ZFYVE9: variants seen among roughly 807,000 people sequenced by gnomAD.
The protein encoded by ZFYVE9 is zinc finger FYVE domain-containing protein 9.
Under a neutral mutation model 126.7 loss-of-function variants are expected in ZFYVE9, and 43 were observed. The observed-to-expected ratio is 0.34, with a 90% confidence interval of 0.27 to 0.44. ZFYVE9 has a LOEUF of 0.44. Ranked by LOEUF, ZFYVE9 falls within the 20% of genes least tolerant of loss-of-function variation. The pLI is 1.00. For synonymous variants in ZFYVE9, 521 were observed against 597.4 expected (o/e 0.87, Z 1.87); for missense variants, 1,476 against 1,697.0 (o/e 0.87, Z 2.29).
intron 17 of ZFYVE9, among the ~76,000 whole-genome samples, chr1:52,342,344 C>G (rs2147878343): frequency 6.7e-6 from 1 of 149,342 alleles, no homozygotes; most frequent in Admixed American, 6.7e-5. Flanking sequence ...CGGCTCACTG[C>G]AAGCTCCGCC....
At chr1:52,326,425 ACT>A (rs1317776297) in intron 13 of ZFYVE9, among the ~76,000 whole-genome samples, 2 of 152,076 alleles carry the variant, frequency 1.3e-5, no homozygotes, top group Non-Finnish European at 2.9e-5. Flanking sequence ...AATTTATCTA[ACT>A]CTCATAACTC....
intron 2 of ZFYVE9, among the ~76,000 whole-genome samples, chr1:52,226,286 G>T (rs749312170): frequency 1.3e-5 from 2 of 152,118 alleles, no homozygotes; most frequent in African/African-American, 2.4e-5. Flanking sequence ...CAGCTTCCTT[G>T]TCTGTGTCTG....
intron 4 of ZFYVE9, among the ~76,000 whole-genome samples, chr1:52,240,874 T>C (rs566968563): frequency 1.3e-5 from 2 of 152,228 alleles, no homozygotes; most frequent in South Asian, 2.1e-4. Context: ...GATTATCTAA[T>C]CAATCATGAT....
At chr1:52,336,087 T>C (rs1405488650) in intron 15 of ZFYVE9, among the ~76,000 whole-genome samples, 1 of 151,874 alleles carries the variant, frequency 6.6e-6, no homozygotes, top group Non-Finnish European at 1.5e-5. Context: ...TGAGCTGAGA[T>C]TGTGCCATTG....
chr1:52,185,426 A>G (rs537218176), intron 1 of ZFYVE9, among the ~76,000 whole-genome samples: 2 of 152,346 alleles, frequency 1.3e-5, no homozygotes, highest in South Asian at 4.1e-4. Flanking sequence ...GAAATTAAAA[A>G]TGAAATTATA....
At position 52,239,269 on chromosome 1, in the gene ZFYVE9, C is replaced by T; in HGVS notation, c.1852C>T (p.Leu618Phe). Residue 618 changes from leucine to phenylalanine, a missense_variant, in exon 4 of 19, where the codon CTT (leucine) becomes TTT (phenylalanine). Coordinates refer to ENST00000287727, the MANE Select transcript of ZFYVE9 (RefSeq NM_004799.4). ...TAATACTAAAAATAAAAATGATATT[C>T]TTGGGAAAGCAAAATTAGGGGAAAA... ...GNNTKNKNDI[L>F]GKAKLGENSA... 6.2e-7 allele frequency: 1 copy of T among 1,614,108 alleles called. No homozygotes were observed. The highest frequency in any genetic ancestry group is 1.3e-5 in the African/African-American group (1 of 75,028).
At chr1:52,232,249 A>G (rs1040299660) in intron 2 of ZFYVE9, among the ~76,000 whole-genome samples, 1 of 152,218 alleles carries the variant, frequency 6.6e-6, no homozygotes, top group African/African-American at 2.4e-5. Context: ...CTAAGGAAAT[A>G]GGTGTGGAGA....
intron 2 of ZFYVE9, among the ~76,000 whole-genome samples, chr1:52,218,519 G>A (rs1645093554): frequency 6.6e-6 from 1 of 152,186 alleles, no homozygotes; most frequent in Non-Finnish European, 1.5e-5. Flanking sequence ...CCAGGCTGTG[G>A]GGTGCTGGAA....
chr1:52,150,863 T>G (rs1644350367), intron 1 of ZFYVE9, among the ~76,000 whole-genome samples: 1 of 152,080 alleles, frequency 6.6e-6, no homozygotes, highest in Admixed American at 6.6e-5. Flanking sequence ...TTAATCTCCA[T>G]TTTTCATTTT....
intron 13 of ZFYVE9, among the ~76,000 whole-genome samples, chr1:52,304,510 A>C (rs1171294131): frequency 6.6e-6 from 1 of 151,632 alleles, no homozygotes; most frequent in Non-Finnish European, 1.5e-5. Context: ...TGATCCACCC[A>C]CCTCGGCCTC....
chr1:52,234,901 T>C (rs1645259464), intron 3 of ZFYVE9, among the ~76,000 whole-genome samples: 1 of 152,234 alleles, frequency 6.6e-6, no homozygotes, highest in Non-Finnish European at 1.5e-5. Context: ...CATAAGGTAC[T>C]TAGACATGTA....
At chr1:52,193,488 C>T (rs942250952) in intron 1 of ZFYVE9, among the ~76,000 whole-genome samples, 2 of 150,864 alleles carry the variant, frequency 1.3e-5, no homozygotes, top group African/African-American at 4.9e-5. Flanking sequence ...AGGTGGATCA[C>T]CTGAGGTCAG....
At chr1:52,322,014 T>C (rs1332418042) in intron 13 of ZFYVE9, among the ~76,000 whole-genome samples, 2 of 152,202 alleles carry the variant, frequency 1.3e-5, no homozygotes, top group East Asian at 3.8e-4. Context: ...TAGACTTGAC[T>C]GTCTTATTGC....
intron 13 of ZFYVE9, among the ~76,000 whole-genome samples, chr1:52,326,005 A>C (rs573307477): frequency 7.2e-5 from 11 of 152,338 alleles, no homozygotes; most frequent in Admixed American, 7.2e-4. Flanking sequence ...AAGGGTGGGA[A>C]ACACCGGGAG....
At position 52,180,393 on chromosome 1, in the gene ZFYVE9, A is replaced by G. The variant is rs575166853; in HGVS notation, c.-142-35976A>G. 2.4e-5 allele frequency: 37 copies of G among 1,524,208 alleles called. No homozygotes were observed. In the African/African-American group the frequency reaches 4.2e-4, roughly 17 times the overall value. 94.4% of individuals were successfully genotyped at this position (1,524,208 alleles called of 1,614,324 possible). On this transcript the variant is annotated intron_variant, in intron 1 of 18. Coordinates refer to ENST00000287727, the MANE Select transcript of ZFYVE9 (RefSeq NM_004799.4). The stretch of plus-strand genomic sequence containing the variant: ...TATTGGTCCTCTGGTGTTTGGCGGC[A>G]TTAACCTGACAAGAGATGAGTTGCA...
At chr1:52,288,804 T>C (rs1645888409) in intron 10 of ZFYVE9, among the ~76,000 whole-genome samples, 1 of 151,590 alleles carries the variant, frequency 6.6e-6, no homozygotes, top group Non-Finnish European at 1.5e-5. Flanking sequence ...TGAGCGCCTG[T>C]AGTCCCAACT....
rs117742911 is a variant in ZFYVE9 at position 52,168,337 on chromosome 1, G to A, written c.-143+25934G>A. Among the ~76,000 whole-genome samples, 1,506 of 149,486 alleles carry A rather than the reference G, an allele frequency of 0.01. 73 individuals carry two copies. The East Asian group carries it at 0.13, about 13-fold the overall frequency. On this transcript the variant is annotated intron_variant, in intron 1 of 18. Transcript: ENST00000287727. ...GTTCAAGCAGTTGTCCTGTCTCAGC[G>A]TCCTGCATTGCTGGGGCTACAGGCG...
At chr1:52,287,498 G>T (rs1013685459) in intron 10 of ZFYVE9, among the ~76,000 whole-genome samples, 2 of 151,314 alleles carry the variant, frequency 1.3e-5, no homozygotes, top group African/African-American at 4.9e-5. Context: ...ATTGCCATTA[G>T]AACAATATTA....
At chr1:52,180,975 CAAAA>C (rs746468501) in intron 1 of ZFYVE9, among the ~76,000 whole-genome samples, 10 of 53,304 alleles carry the variant, frequency 1.9e-4, no homozygotes, top group African/African-American at 5.4e-4. Context: ...AACTCCGTCT[CAAAA>C]AAAAAAAAAA....
Sources: allele counts gnomAD v4.1 joint callset (sites outside exome capture counted in the v4.1 genomes callset), GRCh38; gene constraint gnomAD v4.1.1; transcripts MANE v1.5; gene names NCBI Gene and HGNC (gene_info 2026-07-23, HGNC 2026-07-21).